The following AIG1 variants were observed in gnomAD, a reference collection of about 807,000 sequenced individuals.
The protein encoded by AIG1 is androgen induced 1.
AIG1 carries 23 observed loss-of-function variants against 31.4 expected under a neutral mutation model. That is an observed-to-expected ratio of 0.73 (90% CI 0.53 to 1.04). The LOEUF (loss-of-function observed/expected upper bound fraction) is 1.04. AIG1 is among the 50% of genes least tolerant of loss of function. The pLI is 0.00. For missense variants in AIG1, 274 were observed against 295.0 expected, an observed-to-expected ratio of 0.93 and a Z score of 0.52; for synonymous variants, 100 against 110.5, an observed-to-expected ratio of 0.90 and a Z score of 0.60.
rs565339966 is a variant in AIG1 at position 143,151,090 on chromosome 6, T to G, written c.298-13992T>G. 3.0e-4 allele frequency among the ~76,000 whole-genome samples: 46 copies of G among 152,272 alleles called. 1 individual carries two copies. The South Asian group carries it at 9.1e-3, about 30-fold the overall frequency. On this transcript the variant is annotated intron_variant, in intron 2 of 5. Coordinates refer to ENST00000357847, the MANE Select transcript of AIG1 (RefSeq NM_016108.4). The stretch of plus-strand genomic sequence containing the variant: ...CATATTGGTTCCAAAGATGACCAAT[T>G]TTTTTTGCTAACTCCTCCCACTTTA...
chr6:143,239,135 A>T (rs979937681), intron 3 of AIG1, among the ~76,000 whole-genome samples: 4 of 152,200 alleles, frequency 2.6e-5, no homozygotes, highest in African/African-American at 9.7e-5. Flanking sequence ...CACAGAGTAC[A>T]GTTGGAGCAC....
chr6:143,225,036 CTCCGACTTAAT>C (rs1235442725), intron 3 of AIG1, among the ~76,000 whole-genome samples: 3 of 152,118 alleles, frequency 2.0e-5, no homozygotes, highest in Non-Finnish European at 4.4e-5. Context: ...AGTAGCTTTC[CTCCGACTTAAT>C]TCCAAGCACT....
intron 3 of AIG1, among the ~76,000 whole-genome samples, chr6:143,192,069 A>T (rs1789838386): frequency 6.6e-6 from 1 of 152,228 alleles, no homozygotes; most frequent in Non-Finnish European, 1.5e-5. Context: ...TAAAAGTGAT[A>T]AAATCAATTG....
At chr6:143,097,376 AC>A (rs35544089) in intron 1 of AIG1, among the ~76,000 whole-genome samples, 2 of 151,994 alleles carry the variant, frequency 1.3e-5, no homozygotes, top group Non-Finnish European at 2.9e-5. Context: ...TTATAAGCAC[AC>A]CCCCAGCATA....
chr6:143,136,527 A>G (rs1454505487), intron 1 of AIG1, among the ~76,000 whole-genome samples: 2 of 152,232 alleles, frequency 1.3e-5, no homozygotes, highest in East Asian at 3.8e-4. Flanking sequence ...ATGATGCTTT[A>G]AAATAATGGC....
intron 3 of AIG1, among the ~76,000 whole-genome samples, chr6:143,264,843 T>C (rs1292214192): frequency 6.6e-6 from 1 of 152,248 alleles, no homozygotes; most frequent in African/African-American, 2.4e-5. Context: ...AGTCTTATTA[T>C]AGGCTTGAGA....
In AIG1 at chr6:143,258,582, G is replaced by T. The variant is rs553024929; in HGVS notation, c.400-25528G>T. ...TGGAGGTATTTTATGGGCTTTATTG[G>T]CAGAGAGAGAATCAAGGAGGGGCAT... On this transcript the variant is annotated intron_variant, in intron 3 of 5. Coordinates refer to ENST00000357847, the MANE Select transcript of AIG1 (RefSeq NM_016108.4). The surrounding 1 kb of genome is among the most constrained non-coding windows in gnomAD (Gnocchi z 4.7). 6.6e-6 allele frequency among the ~76,000 whole-genome samples: 1 copy of T among 152,294 alleles called. No homozygotes were observed. The highest frequency in any genetic ancestry group is 1.9e-4 in the East Asian group (1 of 5,194).
intron 3 of AIG1, among the ~76,000 whole-genome samples, chr6:143,216,382 C>G (rs1159421998): frequency 6.6e-6 from 1 of 152,140 alleles, no homozygotes; most frequent in Non-Finnish European, 1.5e-5. Context: ...GGATGGAGGA[C>G]AAAAGGCAAG....
intron 3 of AIG1, among the ~76,000 whole-genome samples, chr6:143,274,779 A>G (rs988839598): frequency 6.6e-6 from 1 of 152,072 alleles, no homozygotes; most frequent in Non-Finnish European, 1.5e-5. Flanking sequence ...TGGCTACACC[A>G]TTTATGAGTT....
In AIG1 at chr6:143,063,988, G is replaced by A. The variant is rs149999175; in HGVS notation, c.141+2922G>A. Among the ~76,000 whole-genome samples, 3 of 152,292 alleles carry A rather than the reference G, an allele frequency of 2.0e-5. No homozygotes were observed. In the East Asian group the frequency reaches 5.8e-4, roughly 29 times the overall value. On this transcript the variant is annotated intron_variant, in intron 1 of 5. Transcript: ENST00000357847. ...AATCTTATACTGTTATTCTCCAATG[G>A]TTTCTTTTCCTAGTATTGAGAAACT...
intron 4 of AIG1, among the ~76,000 whole-genome samples, chr6:143,323,841 G>A (rs1776409760): frequency 6.6e-6 from 1 of 152,140 alleles, no homozygotes; most frequent in African/African-American, 2.4e-5. Flanking sequence ...AACTGCAGCA[G>A]AATTTCAGAT....
chr6:143,263,283 T>C (rs1034713258), intron 3 of AIG1, among the ~76,000 whole-genome samples: 5 of 151,798 alleles, frequency 3.3e-5, no homozygotes, highest in African/African-American at 4.8e-5. Flanking sequence ...TTGTTTTTTT[T>C]TTTCTTTCTT....
At chr6:143,237,450 C>T (rs1273454272) in intron 3 of AIG1, among the ~76,000 whole-genome samples, 4 of 152,254 alleles carry the variant, frequency 2.6e-5, no homozygotes, top group African/African-American at 9.6e-5. Flanking sequence ...ATGCTAGGGA[C>T]TGGGGCTATG....
At chr6:143,308,600 A>G (rs1160009556) in intron 4 of AIG1, among the ~76,000 whole-genome samples, 1 of 152,198 alleles carries the variant, frequency 6.6e-6, no homozygotes, top group Non-Finnish European at 1.5e-5. Context: ...TTCTGAGGTC[A>G]ACAGGGAAGT....
chr6:143,072,939 T>C (rs542395509), intron 1 of AIG1, among the ~76,000 whole-genome samples: 25 of 152,328 alleles, frequency 1.6e-4, no homozygotes, highest in South Asian at 8.3e-4. Flanking sequence ...TTTTATTACA[T>C]AGAGTCCTCA....
At chr6:143,310,999 C>A (rs533160311) in intron 4 of AIG1, among the ~76,000 whole-genome samples, 6 of 152,022 alleles carry the variant, frequency 3.9e-5, no homozygotes, top group African/African-American at 1.2e-4. Context: ...GCTTCACTGG[C>A]AAATCCTACC....
At position 143,297,150 on chromosome 6, in the gene AIG1, G is replaced by T. The variant is rs978448861; in HGVS notation, c.515+12925G>T. Among the ~76,000 whole-genome samples the T allele has an allele frequency of 2.0e-5, 3 of 152,184 alleles. No homozygotes were observed. Among genetic ancestry groups the T allele is most frequent in the African/African-American group, 7.2e-5 (3 of 41,446 alleles). ...ACCCAGACTTAGAGAGTTCTGAAAGGCTTCCCGGAGGAAATGACATGTAAG... is the reference window on the plus strand; with the variant it reads ...ACCCAGACTTAGAGAGTTCTGAAAGTCTTCCCGGAGGAAATGACATGTAAG... On this transcript the variant is annotated intron_variant, in intron 4 of 5. Transcript: ENST00000357847. This position sits in a 1 kb window ranked among gnomAD's most constrained non-coding sequence, Gnocchi z 5.1.
chr6:143,141,601 G>A (rs1176291251), intron 2 of AIG1, among the ~76,000 whole-genome samples: 1 of 152,176 alleles, frequency 6.6e-6, no homozygotes, highest in Non-Finnish European at 1.5e-5. Flanking sequence ...GCCTTGATTA[G>A]TAATGCTAAT....
At chr6:143,192,010 A>G (rs1789831622) in intron 3 of AIG1, among the ~76,000 whole-genome samples, 1 of 152,248 alleles carries the variant, frequency 6.6e-6, no homozygotes, top group Non-Finnish European at 1.5e-5. Context: ...TGCATTTACA[A>G]TGATAAACAG....
Sources: allele counts gnomAD v4.1 joint callset (sites outside exome capture counted in the v4.1 genomes callset), GRCh38; gene constraint gnomAD v4.1.1; non-coding constraint Gnocchi (gnomAD v3.1); transcripts MANE v1.5; gene names NCBI Gene and HGNC (gene_info 2026-07-23, HGNC 2026-07-21).